The following KIF3B variants were observed in gnomAD, a reference collection of about 807,000 sequenced individuals.
KIF3B encodes kinesin-like protein KIF3B.
KIF3B carries 38 observed loss-of-function variants against 74.3 expected under a neutral mutation model. That is an observed-to-expected ratio of 0.51 (90% CI 0.39 to 0.67). The LOEUF (loss-of-function observed/expected upper bound fraction) is 0.67. Among genes scored for constraint, KIF3B ranks in the 30% least tolerant of loss-of-function variants. KIF3B has a pLI of 0.00. For synonymous variants in KIF3B, 326 were observed against 342.5 expected, an observed-to-expected ratio of 0.95 and a Z score of 0.53; for missense variants, 649 against 932.0, an observed-to-expected ratio of 0.70 and a Z score of 3.95.
chr20:32,304,578 A>G (rs772659703), intron 1 of KIF3B, among the ~76,000 whole-genome samples: 1 of 152,196 alleles, frequency 6.6e-6, no homozygotes, highest in Non-Finnish European at 1.5e-5. Flanking sequence ...GCATGCATGC[A>G]GTAGAGTATG....
chr20:32,316,837 C>A lies in KIF3B; in HGVS notation c.1711C>A (p.Gln571Lys). ...CATCAAGGAGCGCCAAGAGCTAGAGCAGACTCAGAATGAGCTCACCAGGGA... is the reference window on the plus strand; with the variant it reads ...CATCAAGGAGCGCCAAGAGCTAGAGAAGACTCAGAATGAGCTCACCAGGGA... ...EHIKERQELE[Q>K]TQNELTRELK... Residue 571 changes from glutamine to lysine, a missense_variant, in exon 5 of 9, where the codon CAG (glutamine) becomes AAG (lysine). Coordinates refer to ENST00000375712, the MANE Select transcript of KIF3B (RefSeq NM_004798.4). 1 of 1,614,072 alleles carries A rather than the reference C, an allele frequency of 6.2e-7. No individual in the cohort carries two copies. Among genetic ancestry groups the A allele is most frequent in the African/African-American group, 1.3e-5 (1 of 75,050 alleles).
At chr20:32,300,225 C>T (rs929964330) in intron 1 of KIF3B, among the ~76,000 whole-genome samples, 3 of 152,136 alleles carry the variant, frequency 2.0e-5, no homozygotes, top group Admixed American at 2.0e-4. Flanking sequence ...GCCTCAGCCT[C>T]CCAAGAAGCT....
rs2047905463 is a variant in KIF3B at position 32,326,752 on chromosome 20, G to C, written c.1749-19G>C. ...ATGTATTCTGTATCTGTTTTCACCTGTTATGTGTGCTCTTACAGGCATCTT... is the reference window on the plus strand; with the variant it reads ...ATGTATTCTGTATCTGTTTTCACCTCTTATGTGTGCTCTTACAGGCATCTT... On this transcript the variant is annotated intron_variant, in intron 5 of 8. Coordinates refer to ENST00000375712, the MANE Select transcript of KIF3B (RefSeq NM_004798.4). 1 of 956,260 alleles carries C rather than the reference G, an allele frequency of 1.0e-6. No homozygotes were observed. Among genetic ancestry groups the C allele is most frequent in the East Asian group, 2.4e-5 (1 of 41,938 alleles). The allele number at this position is 956,260 out of a possible 1,614,324, so 59.2% of individuals were successfully genotyped here.
rs192588428 is a variant in KIF3B at position 32,311,977 on chromosome 20, A to G, written c.1404+796A>G. Reference sequence around the variant, plus strand: ...GCCACCACGCCCGGCTAAGTTTTGTATTTTTAGTAGAGATGGGGTTTCACT... The same window carrying G: ...GCCACCACGCCCGGCTAAGTTTTGTGTTTTTAGTAGAGATGGGGTTTCACT... On this transcript the variant is annotated intron_variant, in intron 2 of 8. Coordinates refer to ENST00000375712, the MANE Select transcript of KIF3B (RefSeq NM_004798.4). Among the ~76,000 whole-genome samples the G allele has an allele frequency of 8.6e-5, 13 of 151,670 alleles. No homozygotes were observed. In the East Asian group the frequency reaches 1.7e-3, roughly 20 times the overall value.
intron 7 of KIF3B, among the ~76,000 whole-genome samples, chr20:32,329,048 C>T (rs999681673): frequency 2.0e-5 from 3 of 152,208 alleles, no homozygotes; most frequent in South Asian, 2.1e-4. Flanking sequence ...GCTGAGACTA[C>T]AGGCACATGC....
chr20:32,298,490 G>A (rs1399710759), intron 1 of KIF3B, among the ~76,000 whole-genome samples: 1 of 151,126 alleles, frequency 6.6e-6, no homozygotes, highest in African/African-American at 2.4e-5. Context: ...GCAAAGTAAG[G>A]GAAATGTTAT....
intron 5 of KIF3B, among the ~76,000 whole-genome samples, chr20:32,323,070 TTATA>T (rs1289543175): frequency 6.9e-5 from 1 of 14,516 alleles, no homozygotes; most frequent in Non-Finnish European, 1.6e-4. Flanking sequence ...TTATATATAT[TTATA>T]TATTTATATA....
intron 1 of KIF3B, among the ~76,000 whole-genome samples, chr20:32,289,818 G>T (rs2047683156): frequency 6.6e-6 from 1 of 152,170 alleles, no homozygotes; most frequent in South Asian, 2.1e-4. Flanking sequence ...AGGACATGCT[G>T]GTGTGGAAGA....
At chr20:32,286,734 C>T (rs986373011) in intron 1 of KIF3B, among the ~76,000 whole-genome samples, 5 of 152,024 alleles carry the variant, frequency 3.3e-5, no homozygotes, top group African/African-American at 1.2e-4. Context: ...TACATTTTAT[C>T]TCATAGGCTT....
chr20:32,323,331 A>G (rs2122712530), intron 5 of KIF3B, among the ~76,000 whole-genome samples: 1 of 150,938 alleles, frequency 6.6e-6, no homozygotes, highest in Non-Finnish European at 1.5e-5. Context: ...TATTAGGACT[A>G]CATGTTACAT....
chr20:32,292,191 A>C (rs1454620815), intron 1 of KIF3B, among the ~76,000 whole-genome samples: 1 of 151,184 alleles, frequency 6.6e-6, no homozygotes, highest in Non-Finnish European at 1.5e-5. Flanking sequence ...CTCCCACCTC[A>C]GCCTCCCAAA....
chr20:32,295,194 G>T (rs2047710842), intron 1 of KIF3B, among the ~76,000 whole-genome samples: 1 of 152,178 alleles, frequency 6.6e-6, no homozygotes, highest in Non-Finnish European at 1.5e-5. Context: ...AATTTGAGAT[G>T]CTGTGGCTCT....
chr20:32,324,557 C>T (rs187951839), intron 5 of KIF3B, among the ~76,000 whole-genome samples: 190 of 152,236 alleles, frequency 1.2e-3, no homozygotes, highest in African/African-American at 4.3e-3. Context: ...CTGTAGGTAA[C>T]GTTAATGTGC....
At chr20:32,294,824 A>G (rs528974838) in intron 1 of KIF3B, among the ~76,000 whole-genome samples, 2 of 152,350 alleles carry the variant, frequency 1.3e-5, no homozygotes, top group Middle Eastern at 3.4e-3. Flanking sequence ...GTGCCTGTAC[A>G]CATAAACATT....
At chr20:32,277,839 C>A (rs1293684757) in intron 1 of KIF3B, 74 bp downstream of exon 1, 1 of 173,398 alleles carries the variant, frequency 5.8e-6, no homozygotes, top group Non-Finnish European at 1.2e-5. Context: ...CTGCGACCTG[C>A]GCCCGCGCCT....
At chr20:32,291,850 C>T (rs1226674028) in intron 1 of KIF3B, among the ~76,000 whole-genome samples, 5 of 152,022 alleles carry the variant, frequency 3.3e-5, no homozygotes, top group Non-Finnish European at 7.4e-5. Context: ...CTCCTGACCT[C>T]GAGTGATGCA....
At position 32,332,218 on chromosome 20, in the gene KIF3B, T is replaced by C. The variant is rs1290850528; in HGVS notation, c.*899T>C. ...CATGCTCTGCAGTGGGCCTGTTTTG[T>C]GGAAGAAAGGAGGCTGTCTCTGCCT... On this transcript the variant is annotated 3_prime_UTR_variant, in exon 9 of 9. Coordinates refer to ENST00000375712, the MANE Select transcript of KIF3B (RefSeq NM_004798.4). The C allele has an allele frequency of 6.5e-6, 1 of 152,800 alleles. No individual in the cohort carries two copies. Among genetic ancestry groups the C allele is most frequent in the East Asian group, 1.9e-4 (1 of 5,190 alleles). The allele number at this position is 152,800 out of a possible 1,614,324, so 9.5% of individuals were successfully genotyped here. A position where few individuals can be genotyped will look rare whatever the true frequency, so the allele number is the denominator to read the frequency against.
At chr20:32,287,899 T>TG in intron 1 of KIF3B, among the ~76,000 whole-genome samples, 1 of 144,374 alleles carries the variant, frequency 6.9e-6, no homozygotes, top group Non-Finnish European at 1.5e-5. Context: ...TTTTTTTTTT[T>TG]TCAGATGGAG....
intron 1 of KIF3B, among the ~76,000 whole-genome samples, chr20:32,299,391 ATATATATATATATTTTTTTTTTT>A (rs2047731264): frequency 2.8e-5 from 1 of 35,126 alleles, no homozygotes; most frequent in South Asian, 8.9e-4. Context: ...ATATATATAT[ATATATATATATATTTTTTTTTTT>A]TTTTTTTTTT....
Sources: allele counts gnomAD v4.1 joint callset (sites outside exome capture counted in the v4.1 genomes callset), GRCh38; gene constraint gnomAD v4.1.1; transcripts MANE v1.5; gene names NCBI Gene and HGNC (gene_info 2026-07-23, HGNC 2026-07-21).